The following TNFRSF11A variants were observed in gnomAD, a reference collection of about 807,000 sequenced individuals.
TNFRSF11A encodes the protein TNF receptor superfamily member 11a.
Under a neutral mutation model 55.7 loss-of-function variants are expected in TNFRSF11A, and 32 were observed. The ratio of observed to expected loss-of-function variants is 0.57; its 90% CI spans 0.43 to 0.77. TNFRSF11A has a LOEUF of 0.77. Ranked by LOEUF, TNFRSF11A falls within the 30% of genes least tolerant of loss-of-function variation. The pLI is 0.00. For missense variants in TNFRSF11A, 753 were observed against 809.8 expected, an observed-to-expected ratio of 0.93 and a Z score of 0.85; for synonymous variants, 311 against 331.0, an observed-to-expected ratio of 0.94 and a Z score of 0.65.
intron 4 of TNFRSF11A, among the ~76,000 whole-genome samples, chr18:62,355,015 C>T (rs1343468921): frequency 1.3e-5 from 2 of 152,182 alleles, no homozygotes; most frequent in Admixed American, 6.5e-5. Flanking sequence ...TGCGATAACA[C>T]TGAAGAAACG....
At chr18:62,347,220 G>A (rs974230253) in intron 1 of TNFRSF11A, among the ~76,000 whole-genome samples, 5 of 152,182 alleles carry the variant, frequency 3.3e-5, no homozygotes, top group Admixed American at 2.0e-4. Flanking sequence ...TGCATGAATC[G>A]CAAGTGTGGT....
chr18:62,341,836 C>CTT (rs34047775), intron 1 of TNFRSF11A, among the ~76,000 whole-genome samples: 13,084 of 84,648 alleles, frequency 0.15, 1,704 homozygotes, highest in African/African-American at 0.35. Flanking sequence ...CTGAGAATGG[C>CTT]TTTTTTTTTT....
At chr18:62,334,911 G>A (rs868032997) in intron 1 of TNFRSF11A, among the ~76,000 whole-genome samples, 2 of 152,160 alleles carry the variant, frequency 1.3e-5, no homozygotes, top group Non-Finnish European at 2.9e-5. Context: ...AAATCTAGCA[G>A]CAGATCCCCA....
At chr18:62,335,495 T>G (rs541857615) in intron 1 of TNFRSF11A, among the ~76,000 whole-genome samples, 1 of 152,110 alleles carries the variant, frequency 6.6e-6, no homozygotes, top group African/African-American at 2.4e-5. Context: ...TCCTCATGGG[T>G]AAGGGGACTC....
Position 62,362,646 on chromosome 18 carries a change from C to T in TNFRSF11A, c.730+853C>T, listed in dbSNP as rs561727645. Reference sequence around the variant, plus strand: ...AATTTGTTAGTGTCTTTAAACATCACGTCATGTTTAACTTGTAGACTACAA... The same window carrying T: ...AATTTGTTAGTGTCTTTAAACATCATGTCATGTTTAACTTGTAGACTACAA... On this transcript the variant is annotated intron_variant, in intron 7 of 9. Coordinates refer to ENST00000586569, the MANE Select transcript of TNFRSF11A (RefSeq NM_003839.4). 8.5e-5 allele frequency among the ~76,000 whole-genome samples: 13 copies of T among 152,134 alleles called. 1 individual carries two copies. Among genetic ancestry groups the T allele is most frequent in the African/African-American group, 2.9e-4 (12 of 41,504 alleles).
chr18:62,326,411 A>G (rs982505801), intron 1 of TNFRSF11A, among the ~76,000 whole-genome samples: 3 of 152,248 alleles, frequency 2.0e-5, no homozygotes, highest in Non-Finnish European at 4.4e-5. Flanking sequence ...GGGAAGATTC[A>G]TTCCCAATTG....
At chr18:62,346,314 C>T (rs1172013255) in intron 1 of TNFRSF11A, among the ~76,000 whole-genome samples, 3 of 152,148 alleles carry the variant, frequency 2.0e-5, no homozygotes, top group Admixed American at 6.5e-5. Flanking sequence ...TTTGCATGGC[C>T]GCATGTAGTT....
intron 1 of TNFRSF11A, among the ~76,000 whole-genome samples, chr18:62,332,063 A>G (rs1431188543): frequency 6.6e-6 from 1 of 152,210 alleles, no homozygotes; most frequent in African/African-American, 2.4e-5. Flanking sequence ...GCTATCAGAA[A>G]TTTGAAGACT....
chr18:62,375,136 G>A (rs1465277518), intron 9 of TNFRSF11A, among the ~76,000 whole-genome samples: 5 of 148,678 alleles, frequency 3.4e-5, no homozygotes, highest in East Asian at 2.0e-4. Flanking sequence ...GGCTAGTCTC[G>A]AACTCCTGAG....
intron 8 of TNFRSF11A, among the ~76,000 whole-genome samples, chr18:62,368,088 C>T (rs1472293515): frequency 2.0e-5 from 3 of 152,178 alleles, no homozygotes; most frequent in Non-Finnish European, 4.4e-5. Context: ...GCCACCACGC[C>T]TGGTTAGATC....
Position 62,384,928 on chromosome 18 carries a change from CG to C in TNFRSF11A, c.1749del (p.Asn584ThrfsTer92). 1 of 1,550,304 alleles carries C rather than the reference CG, an allele frequency of 6.5e-7. No homozygotes were observed. Among genetic ancestry groups the C allele is most frequent in the Non-Finnish European group, 8.7e-7 (1 of 1,149,542 alleles). On this transcript the variant is annotated frameshift_variant, in exon 10 of 10. Coordinates refer to ENST00000586569, the MANE Select transcript of TNFRSF11A (RefSeq NM_003839.4). LOFTEE classifies it low-confidence loss of function (END_TRUNC). ...ACCCTGGCGCGCCGAGACTCCTTCG[CG>C]GGGAACGGCCCGCGCTTCCCGGACC... ...EETLARRDSF[A>X]GNGPRFPDPC...
At chr18:62,361,832 AAGAT>A (rs770155802) in intron 7 of TNFRSF11A, 39 bp downstream of exon 7, 1 of 1,540,232 alleles carries the variant, frequency 6.5e-7, no homozygotes, top group Non-Finnish European at 9.0e-7. Context: ...CCAATCTTAA[AAGAT>A]AGATTTCTAG....
At chr18:62,347,231 G>A (rs954274164) in intron 1 of TNFRSF11A, among the ~76,000 whole-genome samples, 4 of 152,174 alleles carry the variant, frequency 2.6e-5, no homozygotes, top group Admixed American at 6.5e-5. Context: ...CAAGTGTGGT[G>A]TGCATACGTG....
Position 62,369,301 on chromosome 18 carries a change from G to A in TNFRSF11A, c.1384G>A (p.Gly462Ser), listed in dbSNP as rs200767929. The A allele has an allele frequency of 1.5e-5, 24 of 1,611,200 alleles. No individual in the cohort carries two copies. Among genetic ancestry groups the A allele is most frequent in the Non-Finnish European group, 2.0e-5 (24 of 1,178,750 alleles). Reference protein sequence around the residue: ...PPGEDCEPLVGSPKRGPLPQC... With the variant: ...PPGEDCEPLVSSPKRGPLPQC... Reference sequence around the variant, plus strand: ...TGGGGAGGACTGTGAACCCCTCGTGGGTTCCCCAAAACGTGGACCCTTGCC... The same window carrying A: ...TGGGGAGGACTGTGAACCCCTCGTGAGTTCCCCAAAACGTGGACCCTTGCC... The change falls in exon 9 of 10, where the codon GGT becomes AGT. Residue 462 changes from glycine to serine, a missense_variant. Physicochemically the swap from Gly to Ser is moderately conservative, Grantham distance 56 (BLOSUM62 0). Transcript: ENST00000586569.
chr18:62,335,506 A>C (rs1223217781), intron 1 of TNFRSF11A, among the ~76,000 whole-genome samples: 2 of 152,188 alleles, frequency 1.3e-5, no homozygotes, highest in Non-Finnish European at 2.9e-5. Flanking sequence ...AAGGGGACTC[A>C]AGGTGGTGGG....
chr18:62,377,373 C>T (rs1262737311), intron 9 of TNFRSF11A, among the ~76,000 whole-genome samples: 1 of 152,166 alleles, frequency 6.6e-6, no homozygotes, highest in Non-Finnish European at 1.5e-5. Context: ...TTTGTGTGGA[C>T]ATAAGTTTTC....
rs386387923 is a variant in TNFRSF11A at position 62,363,365 on chromosome 18, C to CTTTT, written c.730+1590_730+1593dup. Among the ~76,000 whole-genome samples, 80 of 106,756 alleles carry CTTTT rather than the reference C, an allele frequency of 7.5e-4. 5 individuals carry two copies. Among genetic ancestry groups the CTTTT allele is most frequent in the Non-Finnish European group, 1.2e-3 (67 of 55,832 alleles). 70.0% of individuals were successfully genotyped at this position (106,756 alleles called of 152,430 possible). A position where few individuals can be genotyped will look rare whatever the true frequency, so the allele number is the denominator to read the frequency against. On this transcript the variant is annotated intron_variant, in intron 7 of 9. Coordinates refer to ENST00000586569, the MANE Select transcript of TNFRSF11A (RefSeq NM_003839.4). ...AGTGAGCAATGTTTGAGTGATGACCCTTTTTTTTTTTTTTTTTTTTTGAGA... is the reference window on the plus strand; with the variant it reads ...AGTGAGCAATGTTTGAGTGATGACCCTTTTTTTTTTTTTTTTTTTTTTTTTGAGA...
At chr18:62,380,783 A>G (rs1039863695) in intron 9 of TNFRSF11A, among the ~76,000 whole-genome samples, 11 of 148,504 alleles carry the variant, frequency 7.4e-5, no homozygotes, top group Non-Finnish European at 4.5e-5. Flanking sequence ...CACAAGCCTC[A>G]CGGCCTTCCA....
chr18:62,363,597 G>C (rs1909859439), intron 7 of TNFRSF11A, among the ~76,000 whole-genome samples: 1 of 151,956 alleles, frequency 6.6e-6, no homozygotes, highest in Non-Finnish European at 1.5e-5. Flanking sequence ...TCGAACTCCT[G>C]ACCTCATGAT....
Sources: allele counts gnomAD v4.1 joint callset (sites outside exome capture counted in the v4.1 genomes callset), GRCh38; gene constraint gnomAD v4.1.1; transcripts MANE v1.5; gene names NCBI Gene and HGNC (gene_info 2026-07-23, HGNC 2026-07-21).